The following TAFA4 variants were observed in gnomAD, a reference collection of about 807,000 sequenced individuals.
TAFA4 encodes the protein chemokine-like protein TAFA-4.
Under a neutral mutation model 21.1 loss-of-function variants are expected in TAFA4, and 20 were observed. The observed-to-expected ratio is 0.95, with a 90% confidence interval of 0.67 to 1.38. The LOEUF is 1.38. Among genes scored for constraint, TAFA4 ranks in the 40% most tolerant of loss-of-function variants. The pLI is 0.00. For missense variants in TAFA4, 211 were observed against 180.9 expected (o/e 1.17, Z -0.95); for synonymous variants, 71 against 67.4 (o/e 1.05, Z -0.26).
chr3:68,812,664 G>A (rs1286602837), intron 3 of TAFA4, among the ~76,000 whole-genome samples: 2 of 152,176 alleles, frequency 1.3e-5, no homozygotes, highest in African/African-American at 2.4e-5. Flanking sequence ...GGAGCACCCA[G>A]ATTCATAAAG....
chr3:68,743,705 T>G (rs750864906), intron 4 of TAFA4, among the ~76,000 whole-genome samples: 4 of 152,158 alleles, frequency 2.6e-5, no homozygotes, highest in Non-Finnish European at 5.9e-5. Flanking sequence ...CTTTTGATTG[T>G]CCCAACAACC....
intron 1 of TAFA4, among the ~76,000 whole-genome samples, chr3:68,899,308 C>T (rs900769437): frequency 6.6e-6 from 1 of 151,792 alleles, no homozygotes; most frequent in African/African-American, 2.4e-5. Flanking sequence ...ACATAGCCAG[C>T]TAAATAAAAT....
intron 3 of TAFA4, among the ~76,000 whole-genome samples, chr3:68,781,316 A>C (rs991445454): frequency 2.6e-5 from 4 of 151,372 alleles, no homozygotes; most frequent in Non-Finnish European, 5.9e-5. Context: ...AAAGAGAAAA[A>C]TAATTAAAAA....
intron 3 of TAFA4, among the ~76,000 whole-genome samples, chr3:68,829,230 T>C (rs1704321637): frequency 6.6e-6 from 1 of 152,112 alleles, no homozygotes; most frequent in South Asian, 2.1e-4. Context: ...GACAGAGGCC[T>C]CAGAAATAAC....
intron 1 of TAFA4, among the ~76,000 whole-genome samples, chr3:68,929,280 A>G (rs1016610696): frequency 6.6e-6 from 1 of 152,232 alleles, no homozygotes. Context: ...CATTTTCAAA[A>G]CAAATAATTA....
chr3:68,856,779 G>GT (rs1319097350), intron 3 of TAFA4, among the ~76,000 whole-genome samples: 2 of 152,246 alleles, frequency 1.3e-5, no homozygotes, highest in Non-Finnish European at 2.9e-5. Flanking sequence ...GGACATGCAG[G>GT]TAGGAACCAC....
At chr3:68,846,650 G>T (rs746245313) in intron 3 of TAFA4, among the ~76,000 whole-genome samples, 1 of 152,116 alleles carries the variant, frequency 6.6e-6, no homozygotes, top group African/African-American at 2.4e-5. Context: ...CCTCATCTTC[G>T]TGGATTTATC....
At chr3:68,874,433 T>C (rs2089523106) in intron 3 of TAFA4, among the ~76,000 whole-genome samples, 1 of 152,134 alleles carries the variant, frequency 6.6e-6, no homozygotes, top group Non-Finnish European at 1.5e-5. Flanking sequence ...TGTTTCTTTT[T>C]ACCAATGATT....
At chr3:68,740,794 T>G (rs1702334451) in intron 4 of TAFA4, among the ~76,000 whole-genome samples, 1 of 152,174 alleles carries the variant, frequency 6.6e-6, no homozygotes, top group Admixed American at 6.5e-5. Flanking sequence ...ACAGATTACA[T>G]TTACATCCTT....
intron 3 of TAFA4, among the ~76,000 whole-genome samples, chr3:68,870,013 G>A (rs2089465187): frequency 6.6e-6 from 1 of 152,044 alleles, no homozygotes; most frequent in Non-Finnish European, 1.5e-5. Context: ...CAGTAAAGTT[G>A]CAGGATACAA....
chr3:68,929,062 C>A (rs1460112302), intron 1 of TAFA4, among the ~76,000 whole-genome samples: 2 of 150,996 alleles, frequency 1.3e-5, no homozygotes, highest in East Asian at 1.9e-4. Flanking sequence ...GGAAGAATTT[C>A]TCTTATTTTT....
At chr3:68,923,605 T>C (rs2090079921) in intron 1 of TAFA4, among the ~76,000 whole-genome samples, 1 of 152,162 alleles carries the variant, frequency 6.6e-6, no homozygotes, top group African/African-American at 2.4e-5. Context: ...ACAGCCTCAA[T>C]AGCCACAGTG....
At chr3:68,836,231 T>C (rs1205682923) in intron 3 of TAFA4, among the ~76,000 whole-genome samples, 1 of 152,250 alleles carries the variant, frequency 6.6e-6, no homozygotes, top group African/African-American at 2.4e-5. Context: ...GGGTTTTTGC[T>C]GGATTCTCTT....
chr3:68,866,178 A>C (rs2106929824), intron 3 of TAFA4, among the ~76,000 whole-genome samples: 1 of 152,220 alleles, frequency 6.6e-6, no homozygotes, highest in African/African-American at 2.4e-5. Context: ...AAAAGATGCC[A>C]AACTAGAGTG....
At chr3:68,917,872 A>G (rs1229678282) in intron 1 of TAFA4, among the ~76,000 whole-genome samples, 1 of 151,974 alleles carries the variant, frequency 6.6e-6, no homozygotes, top group African/African-American at 2.4e-5. Context: ...TCTGACACCC[A>G]GTTTGTGGAC....
intron 3 of TAFA4, among the ~76,000 whole-genome samples, chr3:68,857,122 T>C (rs1292949314): frequency 6.6e-6 from 1 of 152,190 alleles, no homozygotes; most frequent in Admixed American, 6.6e-5. Context: ...ATTCTTGTTA[T>C]CCTTATATGT....
At chr3:68,778,165 T>C (rs140678297) in intron 3 of TAFA4, among the ~76,000 whole-genome samples, 1 of 152,220 alleles carries the variant, frequency 6.6e-6, no homozygotes, top group African/African-American at 2.4e-5. Flanking sequence ...ACTTTAACTA[T>C]AAAGATATAC....
At chr3:68,751,152 G>T (rs1394929194) in intron 4 of TAFA4, among the ~76,000 whole-genome samples, 1 of 152,136 alleles carries the variant, frequency 6.6e-6, no homozygotes, top group Admixed American at 6.5e-5. Flanking sequence ...GAAATGGGAA[G>T]AACTCTGGAT....
chr3:68,890,392 A>G (rs2106964293), intron 1 of TAFA4, among the ~76,000 whole-genome samples: 1 of 152,318 alleles, frequency 6.6e-6, no homozygotes, highest in African/African-American at 2.4e-5. Flanking sequence ...ATATACTAAA[A>G]TGATTGAGAG....
Sources: allele counts gnomAD v4.1 joint callset (sites outside exome capture counted in the v4.1 genomes callset), GRCh38; gene constraint gnomAD v4.1.1; transcripts MANE v1.5; gene names NCBI Gene and HGNC (gene_info 2026-07-23, HGNC 2026-07-21).